The following ARHGEF16 variants were observed in gnomAD, a reference collection of about 807,000 sequenced individuals.
The protein encoded by ARHGEF16 is Rho guanine exchange factor (GEF) 16.
Under a neutral mutation model 74.1 loss-of-function variants are expected in ARHGEF16, and 59 were observed. The ratio of observed to expected loss-of-function variants is 0.80; its 90% confidence interval spans 0.65 to 0.99. The LOEUF is 0.99. Ranked by LOEUF, ARHGEF16 falls within the 50% of genes least tolerant of loss-of-function variation. The pLI is 0.00. For missense variants in ARHGEF16, 948 were observed against 986.6 expected (o/e 0.96, Z 0.52); for synonymous variants, 415 against 412.6 (o/e 1.01, Z -0.07).
intron 1 of ARHGEF16, among the ~76,000 whole-genome samples, chr1:3,456,379 T>C (rs966050553): frequency 6.6e-6 from 1 of 152,116 alleles, no homozygotes; most frequent in Admixed American, 6.5e-5. Flanking sequence ...GGGTCTGAGT[T>C]TTAGTTTTGG....
At chr1:3,480,000 C>A in intron 14 of ARHGEF16, 87 bp downstream of exon 14, 2 of 1,346,080 alleles carry the variant, frequency 1.5e-6, no homozygotes, top group Non-Finnish European at 2.1e-6. Context: ...CCAGAGCATG[C>A]CGGGCTGCAG....
intron 6 of ARHGEF16, among the ~76,000 whole-genome samples, chr1:3,472,025 G>C (rs980804770): frequency 2.0e-5 from 3 of 152,226 alleles, no homozygotes; most frequent in Non-Finnish European, 2.9e-5. Context: ...AGGAAGCGTG[G>C]CTCCTGCGTG....
intron 1 of ARHGEF16, among the ~76,000 whole-genome samples, chr1:3,457,611 C>G (rs1639295427): frequency 6.6e-6 from 1 of 152,204 alleles, no homozygotes; most frequent in Admixed American, 6.5e-5. Flanking sequence ...AGCGGCCCAC[C>G]CAACCAACAC....
intron 1 of ARHGEF16, among the ~76,000 whole-genome samples, chr1:3,459,818 C>T (rs1368875468): frequency 6.6e-6 from 1 of 152,076 alleles, no homozygotes; most frequent in East Asian, 1.9e-4. Context: ...GCACAGGCAT[C>T]GTGTGATGGG....
intron 7 of ARHGEF16, 70 bp from the exon 8 acceptor site, chr1:3,473,323 G>T (rs1242597893): frequency 6.3e-7 from 1 of 1,577,740 alleles, no homozygotes; most frequent in Non-Finnish European, 8.6e-7. Flanking sequence ...CCCAGCTTCT[G>T]CAGGTCCTGC....
At position 3,478,765 on chromosome 1, in the gene ARHGEF16, A is replaced by T. The variant is rs372857648; in HGVS notation, c.1814+153A>T. On this transcript the variant is annotated intron_variant, in intron 12 of 14. Transcript: ENST00000378378. ...GCTGTAGGTGCTGAGGTAGAGCCAGAAACAACAGAAATGGCCTTGTCCTCA... is the reference window on the plus strand; with the variant it reads ...GCTGTAGGTGCTGAGGTAGAGCCAGTAACAACAGAAATGGCCTTGTCCTCA... Among the ~76,000 whole-genome samples the T allele has an allele frequency of 3.5e-3, 534 of 152,348 alleles. 4 individuals are homozygous for T. Among genetic ancestry groups the T allele is most frequent in the African/African-American group, 0.012 (505 of 41,572 alleles).
intron 6 of ARHGEF16, among the ~76,000 whole-genome samples, chr1:3,472,102 A>T (rs1639741918): frequency 6.6e-6 from 1 of 152,176 alleles, no homozygotes; most frequent in African/African-American, 2.4e-5. Flanking sequence ...CACGCTGGGT[A>T]AGGGAGTCCT....
Position 3,480,871 on chromosome 1 carries a change from C to A in ARHGEF16, c.*284C>A. The A allele has an allele frequency of 2.0e-6, 1 of 505,016 alleles. No homozygotes were observed. The highest frequency in any genetic ancestry group is 3.5e-6 in the Non-Finnish European group (1 of 282,496). 31.3% of individuals were successfully genotyped at this position (505,016 alleles called of 1,614,324 possible). ...GGGCCCCTCAGCTGCTGGGCCCCAC[C>A]TCCCCACTGCACCCAGGGGGCAACT... On this transcript the variant is annotated 3_prime_UTR_variant, in exon 15 of 15. Transcript: ENST00000378378.
At chr1:3,459,233 A>G (rs928524962) in intron 1 of ARHGEF16, among the ~76,000 whole-genome samples, 4 of 152,162 alleles carry the variant, frequency 2.6e-5, no homozygotes, top group African/African-American at 9.7e-5. Context: ...AGACAGCCAG[A>G]GCTCCCAGGC....
chr1:3,470,987 T>C (rs1409227846), intron 6 of ARHGEF16, among the ~76,000 whole-genome samples: 2 of 138,012 alleles, frequency 1.4e-5, no homozygotes, highest in Non-Finnish European at 3.1e-5. Context: ...TGTGTGTGCG[T>C]GGGCAGGGGT....
intron 1 of ARHGEF16, among the ~76,000 whole-genome samples, chr1:3,458,654 A>G (rs527681583): frequency 5.3e-5 from 8 of 152,336 alleles, no homozygotes; most frequent in African/African-American, 1.7e-4. Flanking sequence ...AGAAGCAGAA[A>G]CAATCAACCA....
At position 3,473,413 on chromosome 1, in the gene ARHGEF16, G is replaced by A. The variant is rs1209365753; in HGVS notation, c.1196G>A (p.Arg399Gln). The A allele has an allele frequency of 7.5e-6, 12 of 1,609,880 alleles. No individual in the cohort carries two copies. The highest frequency in any genetic ancestry group is 2.2e-5 in the East Asian group (1 of 44,804). The change falls in exon 8 of 15, where the codon CGA becomes CAA. Residue 399 changes from arginine (R) to glutamine (Q), a missense_variant. Transcript: ENST00000378378. ...TGCAGAAGCAGCAACGCCGCCTTCC[G>A]AGAGGCCCTGAGAGAGATTGAGAGG... is the stretch of plus-strand genomic sequence containing the variant. Reference protein sequence around the residue: ...QKLISSNAAFREALREIERRP... With the variant: ...QKLISSNAAFQEALREIERRP...
At chr1:3,478,095 G>T in intron 11 of ARHGEF16, 69 bp downstream of exon 11, 1 of 1,605,356 alleles carries the variant, frequency 6.2e-7, no homozygotes. Context: ...CCTGGGGCAG[G>T]AGGGTACAGG....
At position 3,473,126 on chromosome 1, in the gene ARHGEF16, G is replaced by A; in HGVS notation, c.1071G>A (p.Glu357=). 4.3e-6 allele frequency: 7 copies of A among 1,613,492 alleles called. No homozygotes were observed. The highest frequency in any genetic ancestry group is 1.1e-5 in the South Asian group (1 of 91,088). Residue 357 remains glutamate, a synonymous_variant, in exon 7 of 15, where the codon GAG becomes GAA. Coordinates refer to ENST00000378378, the MANE Select transcript of ARHGEF16 (RefSeq NM_014448.4). ...GGCACAAGGCCCAGGTGCTGGTCGA[G>A]GACATCAGTGACATCCTGGAGGAGC... is the stretch of plus-strand genomic sequence containing the variant. ...EQRHKAQVLV[E]DISDILEEHA...
intron 11 of ARHGEF16, 105 bp from the exon 12 acceptor site, chr1:3,478,319 C>T (rs371581496): frequency 7.9e-7 from 1 of 1,271,486 alleles, no homozygotes; most frequent in Non-Finnish European, 1.1e-6. Flanking sequence ...TCCGTGGCTG[C>T]CTCCCCACCA....
chr1:3,477,927 T>A lies in ARHGEF16; in HGVS notation c.1526T>A (p.Phe509Tyr). 6.2e-7 allele frequency: 1 copy of A among 1,612,622 alleles called. No individual in the cohort carries two copies. Among genetic ancestry groups the A allele is most frequent in the Non-Finnish European group, 8.5e-7 (1 of 1,179,882 alleles). ...TGGCTGCTGAAGCGCGGAGAGCTGT[T>A]CTTAGTGGAAGAAACCGGACTTTTT... ...SRWLLKRGELFLVEETGLFRK... is the reference protein window; with the variant it reads ...SRWLLKRGELYLVEETGLFRK... Residue 509 changes from phenylalanine to tyrosine, a missense_variant, in exon 11 of 15, where the codon TTC (phenylalanine) becomes TAC (tyrosine). Coordinates refer to ENST00000378378, the MANE Select transcript of ARHGEF16 (RefSeq NM_014448.4).
rs1639573989 is a variant in ARHGEF16 at position 3,467,293 on chromosome 1, A to C, written c.760A>C (p.Lys254Gln). The C allele has an allele frequency of 6.5e-7, 1 of 1,550,146 alleles. No individual in the cohort carries two copies. Among genetic ancestry groups the C allele is most frequent in the Admixed American group, 2.0e-5 (1 of 50,968 alleles). The change falls in exon 4 of 15, where the codon AAG becomes CAG. Residue 254 changes from lysine (K) to glutamine (Q), a missense_variant. Physicochemically the swap from Lys to Gln is moderately conservative, Grantham distance 53. Coordinates refer to ENST00000378378, the MANE Select transcript of ARHGEF16 (RefSeq NM_014448.4). ...TQKVDATIVVKSYRPAQVTWS... is the reference protein window; with the variant it reads ...TQKVDATIVVQSYRPAQVTWS... The stretch of plus-strand genomic sequence containing the variant: ...GAAGGTGGACGCCACCATTGTGGTC[A>C]AGAGCTACCGGCCCGCCCAGGTCAC...
At chr1:3,470,511 ATG>A (rs1569860725) in intron 6 of ARHGEF16, among the ~76,000 whole-genome samples, 1 of 121,812 alleles carries the variant, frequency 8.2e-6, no homozygotes, top group East Asian at 2.7e-4. Flanking sequence ...ACAGGCAGGG[ATG>A]TGTGTGCGTG....
intron 3 of ARHGEF16, 124 bp downstream of exon 3, chr1:3,466,317 G>T (rs1639543600): frequency 1.9e-6 from 2 of 1,065,630 alleles, no homozygotes; most frequent in East Asian, 2.7e-5. Context: ...GCTTGACAGG[G>T]TCCTTCCAGA....
Sources: allele counts gnomAD v4.1 joint callset (sites outside exome capture counted in the v4.1 genomes callset), GRCh38; gene constraint gnomAD v4.1.1; transcripts MANE v1.5; gene names NCBI Gene and HGNC (gene_info 2026-07-23, HGNC 2026-07-21).